Variants in ARHGAP15 observed in about 807,000 individuals in gnomAD.
The protein encoded by ARHGAP15 is rho GTPase-activating protein 15.
In ARHGAP15, 51 loss-of-function variants were observed where a neutral mutation model predicts 63.7. The observed-to-expected ratio is 0.80, with a 90% CI of 0.64 to 1.01. The LOEUF (loss-of-function observed/expected upper bound fraction) is 1.01. Among genes scored for constraint, ARHGAP15 ranks in the 50% least tolerant of loss-of-function variants. The probability of loss-of-function intolerance (pLI) is 0.00; values close to 1 mark genes in which losing one functional copy is unlikely to be tolerated. For synonymous variants in ARHGAP15, 191 were observed against 193.8 expected (o/e 0.99, Z 0.12); for missense variants, 560 against 564.6 (o/e 0.99, Z 0.08).
chr2:143,484,092 G>T (rs975546478), intron 8 of ARHGAP15, among the ~76,000 whole-genome samples: 15 of 152,028 alleles, frequency 9.9e-5, no homozygotes, highest in African/African-American at 3.6e-4. Context: ...GGCCAGGCGT[G>T]GTAGCTCACA....
chr2:143,164,298 A>T (rs901146383), intron 2 of ARHGAP15, among the ~76,000 whole-genome samples: 8 of 152,110 alleles, frequency 5.3e-5, no homozygotes, highest in Non-Finnish European at 8.8e-5. Context: ...ACTGATAAGC[A>T]GAACCATCTC....
At chr2:143,365,107 T>C (rs1258904216) in intron 6 of ARHGAP15, among the ~76,000 whole-genome samples, 1 of 152,182 alleles carries the variant, frequency 6.6e-6, no homozygotes, top group Non-Finnish European at 1.5e-5. Flanking sequence ...ATAGAGGATG[T>C]AGTACACCCG....
At chr2:143,425,433 G>A (rs10200533) in intron 6 of ARHGAP15, among the ~76,000 whole-genome samples, 81,459 of 150,982 alleles carry the variant, frequency 0.54, 22,319 homozygotes, top group Admixed American at 0.61. Context: ...TATATGATAC[G>A]TATCACTACA....
intron 1 of ARHGAP15, among the ~76,000 whole-genome samples, chr2:143,140,599 A>G (rs1689321807): frequency 1.3e-5 from 2 of 152,142 alleles, no homozygotes; most frequent in Admixed American, 1.3e-4. Context: ...AATAATTCTG[A>G]GAAGGGAACA....
intron 9 of ARHGAP15, among the ~76,000 whole-genome samples, chr2:143,509,480 T>C (rs911408275): frequency 5.9e-5 from 9 of 152,154 alleles, no homozygotes; most frequent in African/African-American, 2.2e-4. Flanking sequence ...CAAAGCATCA[T>C]AAGTTAACGC....
intron 5 of ARHGAP15, among the ~76,000 whole-genome samples, chr2:143,234,290 C>A (rs945644678): frequency 6.6e-6 from 1 of 151,932 alleles, no homozygotes; most frequent in African/African-American, 2.4e-5. Context: ...GTTTTATAAT[C>A]TGTATTTTGT....
At chr2:143,137,948 T>C (rs1281378190) in intron 1 of ARHGAP15, among the ~76,000 whole-genome samples, 1 of 152,150 alleles carries the variant, frequency 6.6e-6, no homozygotes, top group African/African-American at 2.4e-5. Flanking sequence ...TAATATCACC[T>C]ATTCATACTT....
intron 6 of ARHGAP15, among the ~76,000 whole-genome samples, chr2:143,312,220 G>A (rs1202833453): frequency 6.6e-6 from 1 of 152,098 alleles, no homozygotes; most frequent in Non-Finnish European, 1.5e-5. Flanking sequence ...TGGCATCTCT[G>A]TATAAGAGGA....
chr2:143,319,511 C>T (rs886600642), intron 6 of ARHGAP15, among the ~76,000 whole-genome samples: 7 of 152,086 alleles, frequency 4.6e-5, no homozygotes, highest in South Asian at 2.1e-4. Context: ...CATGAGCCAC[C>T]GCACCTGGCC....
At chr2:143,171,192 G>A (rs536814524) in intron 2 of ARHGAP15, among the ~76,000 whole-genome samples, 1 of 152,188 alleles carries the variant, frequency 6.6e-6, no homozygotes, top group East Asian at 1.9e-4. Context: ...GTGACCTCAG[G>A]ATATCACTAT....
At chr2:143,460,832 G>A (rs1028984570) in intron 8 of ARHGAP15, among the ~76,000 whole-genome samples, 1 of 152,132 alleles carries the variant, frequency 6.6e-6, no homozygotes, top group African/African-American at 2.4e-5. Flanking sequence ...CCCAGAGTGG[G>A]CAGCTTCCAG....
chr2:143,437,239 G>A, intron 8 of ARHGAP15, 197 bp downstream of exon 8: 1 of 545,042 alleles, frequency 1.8e-6, no homozygotes, highest in East Asian at 3.4e-5. Context: ...TGCCTTTTGA[G>A]AAAATAATTG....
In ARHGAP15 at chr2:143,364,890, C is replaced by T. The variant is rs546628729; in HGVS notation, c.475-70711C>T. 5.3e-5 allele frequency among the ~76,000 whole-genome samples: 8 copies of T among 152,266 alleles called. No individual in the cohort carries two copies. The East Asian group carries it at 1.5e-3, about 29-fold the overall frequency. The stretch of plus-strand genomic sequence containing the variant: ...GCATGGTAGCAGGTGCCTGTAATCC[C>T]AGCTACGCAGAAGGCTGAGGCACGA... On this transcript the variant is annotated intron_variant, in intron 6 of 13. Coordinates refer to ENST00000295095, the MANE Select transcript of ARHGAP15 (RefSeq NM_018460.4).
At chr2:143,739,993 A>G (rs779448014) in intron 13 of ARHGAP15, among the ~76,000 whole-genome samples, 4 of 152,056 alleles carry the variant, frequency 2.6e-5, no homozygotes, top group Admixed American at 6.6e-5. Flanking sequence ...CTCTTTTTGC[A>G]CACAGCTCTC....
intron 6 of ARHGAP15, among the ~76,000 whole-genome samples, chr2:143,365,840 A>T (rs1186230108): frequency 6.6e-6 from 1 of 152,222 alleles, no homozygotes; most frequent in Non-Finnish European, 1.5e-5. Context: ...TATTCCGAAG[A>T]TCAATGACAG....
At chr2:143,716,572 C>T (rs1042058221) in intron 13 of ARHGAP15, among the ~76,000 whole-genome samples, 2 of 152,120 alleles carry the variant, frequency 1.3e-5, no homozygotes, top group African/African-American at 4.8e-5. Context: ...AAAAAATCAC[C>T]TTGACTTAAA....
intron 6 of ARHGAP15, among the ~76,000 whole-genome samples, chr2:143,271,488 C>T (rs112879687): frequency 0.046 from 7,037 of 152,258 alleles, 268 homozygotes; most frequent in East Asian, 0.2. Context: ...TGTTTGTTTG[C>T]TTGTTGAGAC....
chr2:143,251,526 T>C (rs1680158362), intron 6 of ARHGAP15, among the ~76,000 whole-genome samples: 1 of 152,022 alleles, frequency 6.6e-6, no homozygotes, highest in African/African-American at 2.4e-5. Flanking sequence ...GAAGCTGGTT[T>C]CCAGTTCGGT....
At chr2:143,488,981 A>G (rs1277655589) in intron 9 of ARHGAP15, among the ~76,000 whole-genome samples, 1 of 152,230 alleles carries the variant, frequency 6.6e-6, no homozygotes, top group African/African-American at 2.4e-5. Context: ...AAGTAGTATT[A>G]CTAGTACCTT....
Sources: allele counts gnomAD v4.1 joint callset (sites outside exome capture counted in the v4.1 genomes callset), GRCh38; gene constraint gnomAD v4.1.1; transcripts MANE v1.5; gene names NCBI Gene and HGNC (gene_info 2026-07-23, HGNC 2026-07-21).